ERCC8: variants seen among roughly 807,000 people sequenced by gnomAD.
ERCC8 encodes ERCC excision repair 8, CSA ubiquitin ligase complex subunit, also known as DNA excision repair protein ERCC-8.
ERCC8 carries 52 observed loss-of-function variants against 54.9 expected under a neutral mutation model. The observed-to-expected ratio is 0.95, with a 90% CI of 0.76 to 1.19. The LOEUF is 1.19. ERCC8 is among the 50% of genes most tolerant of loss of function. The pLI is 0.00. For synonymous variants in ERCC8, 146 were observed against 157.2 expected (o/e 0.93, Z 0.53); for missense variants, 514 against 466.1 (o/e 1.10, Z -0.95).
intron 11 of ERCC8, among the ~76,000 whole-genome samples, chr5:60,882,746 T>C (rs920140905): frequency 3.3e-5 from 5 of 152,158 alleles, no homozygotes; most frequent in African/African-American, 7.2e-5. Flanking sequence ...GGTACACTTA[T>C]TTGCAACAGT....
chr5:60,891,107 G>T (rs370183705), intron 9 of ERCC8, 21 bp from the exon 10 acceptor site: 4 of 1,471,646 alleles, frequency 2.7e-6, no homozygotes, highest in African/African-American at 1.4e-5. Context: ...AAAATAATAA[G>T]GTTACTCATC....
intron 7 of ERCC8, 95 bp from the exon 8 acceptor site, chr5:60,899,822 G>A (rs1362757064): frequency 1.7e-5 from 15 of 869,336 alleles, no homozygotes; most frequent in Admixed American, 7.0e-5. Flanking sequence ...CAGAGGTCTC[G>A]TTATATAGGT....
At chr5:60,884,374 G>A (rs1449587157) in intron 11 of ERCC8, among the ~76,000 whole-genome samples, 2 of 151,462 alleles carry the variant, frequency 1.3e-5, no homozygotes, top group Non-Finnish European at 2.9e-5. Context: ...TACTCGGGAG[G>A]CTGAGGCAGG....
intron 11 of ERCC8, among the ~76,000 whole-genome samples, chr5:60,884,520 T>C (rs1748337900): frequency 1.2e-5 from 1 of 82,404 alleles, no homozygotes; most frequent in South Asian, 3.7e-4. Flanking sequence ...TATGTGTGTA[T>C]GTGTTTTTTT....
chr5:60,904,022 C>T (rs897122471), intron 5 of ERCC8, among the ~76,000 whole-genome samples: 1 of 151,976 alleles, frequency 6.6e-6, no homozygotes, highest in Non-Finnish European at 1.5e-5. Flanking sequence ...GTTTCCCCAA[C>T]GATTATGTGT....
intron 4 of ERCC8, chr5:60,909,984 T>A (rs1029924232): frequency 4.6e-5 from 7 of 151,580 alleles, no homozygotes; most frequent in South Asian, 2.1e-4. Flanking sequence ...ATAATAATAA[T>A]AAAAGAATAC....
intron 1 of ERCC8, among the ~76,000 whole-genome samples, chr5:60,929,189 AC>A (rs1749836327): frequency 6.6e-6 from 1 of 152,230 alleles, no homozygotes; most frequent in Admixed American, 6.5e-5. Flanking sequence ...GGAAATTTGT[AC>A]GAAAAAAGTT....
At chr5:60,926,289 C>A (rs1298073054) in intron 2 of ERCC8, among the ~76,000 whole-genome samples, 2 of 152,172 alleles carry the variant, frequency 1.3e-5, no homozygotes, top group Non-Finnish European at 2.9e-5. Flanking sequence ...AACAAACACA[C>A]GTCTTTCTTC....
chr5:60,918,148 G>T (rs1749491594), intron 4 of ERCC8, 117 bp downstream of exon 4: 2 of 822,566 alleles, frequency 2.4e-6, no homozygotes, highest in Non-Finnish European at 4.1e-6. Context: ...CTTAACCACT[G>T]TACTGCTTTC....
intron 7 of ERCC8, 149 bp downstream of exon 7, chr5:60,902,293 C>T: frequency 3.1e-6 from 2 of 642,972 alleles, no homozygotes; most frequent in Non-Finnish European, 5.4e-6. Flanking sequence ...CTTTTGGTGA[C>T]ATGAATTAAA....
Position 60,874,531 on chromosome 5 carries a change from G to A in ERCC8, c.*84C>T. ...ACCCACATTTAGGGCTAATTTAGCTGTCAGGAATAGACCATACAGTTGAAA... is the reference window on the plus strand; with the variant it reads ...ACCCACATTTAGGGCTAATTTAGCTATCAGGAATAGACCATACAGTTGAAA... On this transcript the variant is annotated 3_prime_UTR_variant, in exon 12 of 12. Coordinates refer to ENST00000676185, the MANE Select transcript of ERCC8 (RefSeq NM_000082.4). 8.4e-7 allele frequency: 1 copy of A among 1,190,508 alleles called. No homozygotes were observed. Among genetic ancestry groups the A allele is most frequent in the Non-Finnish European group, 1.2e-6 (1 of 811,594 alleles). 73.7% of individuals were successfully genotyped at this position (1,190,508 alleles called of 1,614,324 possible). A position where few individuals can be genotyped will look rare whatever the true frequency, so the allele number is the denominator to read the frequency against.
rs915699713 is a variant in ERCC8, at chr5:60,874,070, T to C, written c.*545A>G. The C allele has an allele frequency of 2.6e-5, 4 of 152,386 alleles. No individual in the cohort carries two copies. The highest frequency in any genetic ancestry group is 4.4e-5 in the Non-Finnish European group (3 of 68,208). The allele number at this position is 152,386 out of a possible 1,614,324, so 9.4% of individuals were successfully genotyped here. A position where few individuals can be genotyped will look rare whatever the true frequency, so the allele number is the denominator to read the frequency against. On this transcript the variant is annotated 3_prime_UTR_variant, in exon 12 of 12. Coordinates refer to ENST00000676185, the MANE Select transcript of ERCC8 (RefSeq NM_000082.4). ...TGCACATTTTGGATAGTAGGAGACA[T>C]TGAGCCCCAAAATGTTTAACATAAA...
intron 9 of ERCC8, among the ~76,000 whole-genome samples, chr5:60,891,594 A>C (rs1027469948): frequency 2.0e-5 from 3 of 151,714 alleles, no homozygotes; most frequent in Non-Finnish European, 4.4e-5. Flanking sequence ...ACCCCCCAAA[A>C]ACCATTCCTT....
intron 1 of ERCC8, among the ~76,000 whole-genome samples, chr5:60,940,780 C>T (rs1192314886): frequency 1.3e-5 from 2 of 152,188 alleles, no homozygotes; most frequent in African/African-American, 4.8e-5. Context: ...GTTCTTGTAG[C>T]CTGAACCTAA....
intron 2 of ERCC8, 22 bp downstream of exon 2, chr5:60,928,842 T>G (rs780682704): frequency 7.5e-7 from 1 of 1,325,284 alleles, no homozygotes; most frequent in Non-Finnish European, 1.1e-6. Flanking sequence ...GAAAAATGAT[T>G]ATACAAGTAT....
chr5:60,943,919 T>C (rs920833289), intron 1 of ERCC8, among the ~76,000 whole-genome samples: 1 of 152,182 alleles, frequency 6.6e-6, no homozygotes. Flanking sequence ...TTTCACAACA[T>C]TGAAAACGTA....
chr5:60,912,835 A>G (rs903820729), intron 4 of ERCC8, among the ~76,000 whole-genome samples: 2 of 152,122 alleles, frequency 1.3e-5, no homozygotes, highest in Non-Finnish European at 2.9e-5. Flanking sequence ...CCTTTTCTGC[A>G]TCTATTGAGA....
At chr5:60,882,376 C>G (rs1277562100) in intron 11 of ERCC8, among the ~76,000 whole-genome samples, 1 of 152,066 alleles carries the variant, frequency 6.6e-6, no homozygotes, top group Non-Finnish European at 1.5e-5. Flanking sequence ...AGCTATACTC[C>G]AAATGTCCAG....
chr5:60,938,349 A>ATTTTTTTTTTTTTTTTTTTTTT, intron 1 of ERCC8, among the ~76,000 whole-genome samples: 1 of 108,768 alleles, frequency 9.2e-6, no homozygotes. Context: ...TACCTTTTTG[A>ATTTTTTTTTTTTTTTTTTTTTT]ATTTTTTTTT....
Sources: allele counts gnomAD v4.1 joint callset (sites outside exome capture counted in the v4.1 genomes callset), GRCh38; gene constraint gnomAD v4.1.1; transcripts MANE v1.5; gene names NCBI Gene and HGNC (gene_info 2026-07-23, HGNC 2026-07-21).